The following SPSB1 variants were observed in gnomAD, a reference collection of about 807,000 sequenced individuals.
SPSB1 encodes the protein splA/ryanodine receptor domain and SOCS box containing 1.
SPSB1 carries 8 observed loss-of-function variants against 21.2 expected under a neutral mutation model. That is an observed-to-expected ratio of 0.38 (90% CI 0.22 to 0.68). SPSB1 has a LOEUF of 0.68. Among genes scored for constraint, SPSB1 ranks in the 30% least tolerant of loss-of-function variants. The probability of loss-of-function intolerance (pLI) is 0.53; values close to 1 mark genes in which losing one functional copy is unlikely to be tolerated. For missense variants in SPSB1, 242 were observed against 377.8 expected (o/e 0.64, Z 2.98); for synonymous variants, 169 against 161.7 (o/e 1.05, Z -0.34).
At position 9,293,618 on chromosome 1, in the gene SPSB1, G is replaced by A. The variant is rs1639158125; in HGVS notation, c.-150+547G>A. 6.6e-6 allele frequency among the ~76,000 whole-genome samples: 1 copy of A among 152,056 alleles called. No individual in the cohort carries two copies. The highest frequency in any genetic ancestry group is 1.5e-5 in the Non-Finnish European group (1 of 67,964). On this transcript the variant is annotated intron_variant, in intron 1 of 2. Coordinates refer to ENST00000328089, the MANE Select transcript of SPSB1 (RefSeq NM_025106.4). The surrounding 1 kb of genome is among the most constrained non-coding windows in gnomAD (Gnocchi z 5.1). The stretch of plus-strand genomic sequence containing the variant: ...GGGACACCCGAGCGCCGCCCTCCCC[G>A]CCGCCCCGGAGCCGCCGCGGCTTCT...
chr1:9,296,629 T>TAC (rs749521220), intron 1 of SPSB1, among the ~76,000 whole-genome samples: 13 of 152,218 alleles, frequency 8.5e-5, no homozygotes, highest in Non-Finnish European at 1.6e-4. Flanking sequence ...TATGCACACA[T>TAC]ACACACACAC....
At chr1:9,307,802 G>C (rs955368837) in intron 1 of SPSB1, among the ~76,000 whole-genome samples, 3 of 152,134 alleles carry the variant, frequency 2.0e-5, no homozygotes, top group Non-Finnish European at 2.9e-5. Flanking sequence ...CTCCCTTCTT[G>C]AGCCCATCAG....
At chr1:9,306,930 C>CTT (rs200660299) in intron 1 of SPSB1, among the ~76,000 whole-genome samples, 18 of 67,468 alleles carry the variant, frequency 2.7e-4, no homozygotes, top group Middle Eastern at 8.3e-3. Flanking sequence ...TTCTTTTCTT[C>CTT]TTTTTTTTTT....
At chr1:9,300,441 C>T (rs556307042) in intron 1 of SPSB1, among the ~76,000 whole-genome samples, 41 of 152,236 alleles carry the variant, frequency 2.7e-4, no homozygotes, top group Non-Finnish European at 4.9e-4. Context: ...AGGTCAGCGG[C>T]AGACAGGGAG....
At chr1:9,297,082 C>G (rs1441321031) in intron 1 of SPSB1, among the ~76,000 whole-genome samples, 2 of 152,150 alleles carry the variant, frequency 1.3e-5, no homozygotes, top group Non-Finnish European at 2.9e-5. Context: ...TTGTGCAATG[C>G]AGGCATGGGA....
chr1:9,357,381 A>T (rs1328407708), intron 2 of SPSB1, among the ~76,000 whole-genome samples: 1 of 152,230 alleles, frequency 6.6e-6, no homozygotes, highest in Non-Finnish European at 1.5e-5. Flanking sequence ...GGATGAATTA[A>T]TAAGTAGGTG....
chr1:9,326,265 C>A (rs1173019765), intron 1 of SPSB1, among the ~76,000 whole-genome samples: 1 of 152,168 alleles, frequency 6.6e-6, no homozygotes, highest in Non-Finnish European at 1.5e-5. Flanking sequence ...ATTCCCAGCA[C>A]CACCCCAAGG....
intron 1 of SPSB1, among the ~76,000 whole-genome samples, chr1:9,352,057 G>A (rs1193303141): frequency 2.0e-5 from 3 of 152,174 alleles, no homozygotes; most frequent in African/African-American, 7.2e-5. Context: ...CAGCCATGTG[G>A]TCCAAGGCCT....
At chr1:9,344,565 G>A (rs1226958565) in intron 1 of SPSB1, among the ~76,000 whole-genome samples, 1 of 152,208 alleles carries the variant, frequency 6.6e-6, no homozygotes, top group Non-Finnish European at 1.5e-5. Context: ...AGCCTCAGGT[G>A]TTGAGAGGCG....
intron 1 of SPSB1, among the ~76,000 whole-genome samples, chr1:9,353,602 AT>A (rs1640307026): frequency 6.6e-6 from 1 of 152,088 alleles, no homozygotes; most frequent in Non-Finnish European, 1.5e-5. Flanking sequence ...CTCTGAAGAG[AT>A]GACCGTGCCC....
intron 1 of SPSB1, among the ~76,000 whole-genome samples, chr1:9,318,517 C>G (rs1333596506): frequency 2.0e-5 from 3 of 152,354 alleles, no homozygotes; most frequent in Middle Eastern, 3.4e-3. Flanking sequence ...CCAAGGAAGA[C>G]CCTGAGTTTG....
intron 1 of SPSB1, 39 bp from the exon 2 acceptor site, chr1:9,355,704 C>T: frequency 7.6e-7 from 1 of 1,314,194 alleles, no homozygotes. Context: ...CTTCATCCCA[C>T]AGTCCTGCTC....
In SPSB1 at chr1:9,339,332, C is replaced by T. The variant is rs543210046; in HGVS notation, c.-149-16411C>T. 100 of 979,790 alleles carry T rather than the reference C, an allele frequency of 1.0e-4. No homozygotes were observed. In the African/African-American group the frequency reaches 1.7e-3, roughly 16 times the overall value. 60.7% of individuals were successfully genotyped at this position (979,790 alleles called of 1,614,324 possible). A position where few individuals can be genotyped will look rare whatever the true frequency, so the allele number is the denominator to read the frequency against. On this transcript the variant is annotated intron_variant, in intron 1 of 2. Transcript: ENST00000328089. ...CACATGTGGGTGGTCTCGGGTGGGG[C>T]GTGGACTTCAGCTAGGACTTAGGGC...
Position 9,309,260 on chromosome 1 carries a change from C to CGG in SPSB1, c.-150+16190_-150+16191dup, listed in dbSNP as rs1368387620. 2.7e-3 allele frequency among the ~76,000 whole-genome samples: 394 copies of CGG among 144,348 alleles called. 2 individuals are homozygous for CGG. Among genetic ancestry groups the CGG allele is most frequent in the African/African-American group, 9.8e-3 (369 of 37,532 alleles). 94.7% of individuals were successfully genotyped at this position (144,348 alleles called of 152,430 possible). On this transcript the variant is annotated intron_variant, in intron 1 of 2. Coordinates refer to ENST00000328089, the MANE Select transcript of SPSB1 (RefSeq NM_025106.4). The stretch of plus-strand genomic sequence containing the variant: ...CCCTCAATTCCTGTGTGCTCCCCTG[C>CGG]GGAGAGAGAGAGAGAGAGAGTGTGA...
intron 1 of SPSB1, among the ~76,000 whole-genome samples, chr1:9,318,556 C>A (rs1264502026): frequency 6.6e-6 from 1 of 152,232 alleles, no homozygotes; most frequent in African/African-American, 2.4e-5. Flanking sequence ...GGATCCTGGA[C>A]AAGTTACTCA....
intron 1 of SPSB1, among the ~76,000 whole-genome samples, chr1:9,330,607 G>T (rs190057087): frequency 1.3e-5 from 2 of 152,066 alleles, no homozygotes; most frequent in East Asian, 1.9e-4. Flanking sequence ...CGACACGTTT[G>T]GGGGAGTATT....
In SPSB1 at chr1:9,339,223, T is replaced by C. The variant is rs963622719; in HGVS notation, c.-149-16520T>C. On this transcript the variant is annotated intron_variant, in intron 1 of 2. Transcript: ENST00000328089. The stretch of plus-strand genomic sequence containing the variant: ...TGTGGGGCTTTTCTCCTGGGTCTTT[T>C]CCCAGGCACTTGCCTAGAATATTCG... 3.0e-6 allele frequency: 3 copies of C among 985,238 alleles called. No homozygotes were observed. In the Admixed American group the frequency reaches 1.8e-4, roughly 61 times the overall value. The allele number at this position is 985,238 out of a possible 1,614,324, so 61.0% of individuals were successfully genotyped here.
In SPSB1 at chr1:9,339,295, T is replaced by C. The variant is rs1299462601; in HGVS notation, c.-149-16448T>C. The C allele has an allele frequency of 3.0e-6, 3 of 985,182 alleles. 1 individual carries two copies. Among genetic ancestry groups the C allele is most frequent in the South Asian group, 9.4e-5 (2 of 21,272 alleles). 61.0% of individuals were successfully genotyped at this position (985,182 alleles called of 1,614,324 possible). A position where few individuals can be genotyped will look rare whatever the true frequency, so the allele number is the denominator to read the frequency against. On this transcript the variant is annotated intron_variant, in intron 1 of 2. Coordinates refer to ENST00000328089, the MANE Select transcript of SPSB1 (RefSeq NM_025106.4). The stretch of plus-strand genomic sequence containing the variant: ...GGTATCTGGGACACCCTGAGAATGC[T>C]CACTGGCCAGCCACATGTGGGTGGT...
chr1:9,339,119 C>A, intron 1 of SPSB1: 3 of 707,954 alleles, frequency 4.2e-6, no homozygotes, highest in East Asian at 1.3e-4. Flanking sequence ...GCAAGGCAGG[C>A]CTGGGGACCC....
Sources: gnomAD v4.1 joint callset for allele counts (sites outside exome capture counted in the v4.1 genomes callset) on GRCh38, gnomAD v4.1.1 for gene constraint, Gnocchi (gnomAD v3.1) non-coding constraint, MANE v1.5 for transcripts, NCBI Gene and HGNC (gene_info 2026-07-23, HGNC 2026-07-21) for gene names.